Variants in UST observed in about 807,000 individuals in gnomAD.
The protein encoded by UST is uronyl 2-sulfotransferase.
A neutral mutation model predicts 45.6 loss-of-function variants in UST; 21 were observed. The ratio of observed to expected loss-of-function variants is 0.46; its 90% CI spans 0.33 to 0.66. The LOEUF (loss-of-function observed/expected upper bound fraction) is 0.66. Among genes scored for constraint, UST ranks in the 30% least tolerant of loss-of-function variants. UST has a pLI of 0.02. For synonymous variants in UST, 215 were observed against 200.6 expected, an observed-to-expected ratio of 1.07 and a Z score of -0.61; for missense variants, 463 against 512.4, an observed-to-expected ratio of 0.90 and a Z score of 0.93.
At chr6:148,914,511 G>T (rs968020914) in intron 2 of UST, among the ~76,000 whole-genome samples, 1 of 151,992 alleles carries the variant, frequency 6.6e-6, no homozygotes, top group Non-Finnish European at 1.5e-5. Flanking sequence ...TGTGTAGTTC[G>T]TAGTCTTTTC....
intron 7 of UST, among the ~76,000 whole-genome samples, chr6:149,032,079 C>T (rs1166261613): frequency 6.6e-6 from 1 of 152,218 alleles, no homozygotes; most frequent in East Asian, 1.9e-4. Context: ...CTCACCCTGC[C>T]TTTAAGACGG....
At chr6:148,816,346 G>A (rs1777355011) in intron 1 of UST, among the ~76,000 whole-genome samples, 1 of 152,202 alleles carries the variant, frequency 6.6e-6, no homozygotes, top group Non-Finnish European at 1.5e-5. Context: ...AGAGAGACAA[G>A]TGGATTATGC....
intron 1 of UST, among the ~76,000 whole-genome samples, chr6:148,750,392 A>C (rs977246861): frequency 2.6e-5 from 4 of 152,238 alleles, no homozygotes; most frequent in Non-Finnish European, 4.4e-5. Context: ...TTTATCACGC[A>C]TGTGCCAGTC....
Position 148,789,453 on chromosome 6 carries a change from TCACACACACACACA to T in UST, c.247+41794_247+41807del, listed in dbSNP as rs58763326. ...CTCTCTCTCTCTCTCTCTCTCTCTC[TCACACACACACACA>T]CACACACACACACACACTTTCAAAA... On this transcript the variant is annotated intron_variant, in intron 1 of 7. Coordinates refer to ENST00000367463, the MANE Select transcript of UST (RefSeq NM_005715.3). Among the ~76,000 whole-genome samples, 6 of 134,340 alleles carry T rather than the reference TCACACACACACACA, an allele frequency of 4.5e-5. No individual in the cohort carries two copies. In the East Asian group the frequency reaches 1.4e-3, roughly 30 times the overall value. The allele number at this position is 134,340 out of a possible 152,430, so 88.1% of individuals were successfully genotyped here.
At chr6:148,767,722 C>T (rs1016016036) in intron 1 of UST, among the ~76,000 whole-genome samples, 9 of 152,066 alleles carry the variant, frequency 5.9e-5, no homozygotes, top group Non-Finnish European at 1.3e-4. Context: ...TTGTAAAATA[C>T]TGGGATACAG....
chr6:148,965,976 C>T (rs1426665663), intron 5 of UST, among the ~76,000 whole-genome samples: 1 of 149,968 alleles, frequency 6.7e-6, no homozygotes, highest in Non-Finnish European at 1.5e-5. Context: ...GTAATCCCAG[C>T]ACTTTGGGAG....
chr6:149,026,535 A>G (rs1776053599), intron 7 of UST, among the ~76,000 whole-genome samples: 1 of 152,180 alleles, frequency 6.6e-6, no homozygotes, highest in Non-Finnish European at 1.5e-5. Flanking sequence ...AGGAGCTAAA[A>G]TCTCAGTGGT....
chr6:148,884,322 A>G (rs1235418673), intron 1 of UST, among the ~76,000 whole-genome samples: 1 of 152,206 alleles, frequency 6.6e-6, no homozygotes, highest in Non-Finnish European at 1.5e-5. Context: ...AACTGAAGCA[A>G]TGAACAGGTC....
intron 5 of UST, among the ~76,000 whole-genome samples, chr6:148,995,077 T>C (rs1001175075): frequency 6.6e-6 from 1 of 152,042 alleles, no homozygotes; most frequent in Non-Finnish European, 1.5e-5. Flanking sequence ...CAAGCTGGAG[T>C]GCAGTGGGGC....
intron 1 of UST, among the ~76,000 whole-genome samples, chr6:148,810,949 T>A (rs943162942): frequency 6.6e-6 from 1 of 152,228 alleles, no homozygotes; most frequent in Non-Finnish European, 1.5e-5. Context: ...TTGACATATG[T>A]AAGGTGATGA....
intron 1 of UST, among the ~76,000 whole-genome samples, chr6:148,780,783 T>C (rs1317251596): frequency 1.3e-5 from 2 of 152,246 alleles, no homozygotes; most frequent in Non-Finnish European, 1.5e-5. Context: ...CTCTGTATCA[T>C]ATTTTGGTAA....
chr6:149,029,664 C>A (rs541563714), intron 7 of UST, among the ~76,000 whole-genome samples: 9 of 151,878 alleles, frequency 5.9e-5, no homozygotes, highest in African/African-American at 2.2e-4. Flanking sequence ...TGGAAACTCC[C>A]AAGTATACAA....
intron 2 of UST, among the ~76,000 whole-genome samples, chr6:148,894,327 G>A (rs922260063): frequency 1.3e-5 from 2 of 152,212 alleles, no homozygotes; most frequent in African/African-American, 2.4e-5. Flanking sequence ...CTTTGCAGAT[G>A]AAGATGAGGT....
intron 1 of UST, among the ~76,000 whole-genome samples, chr6:148,843,049 C>G (rs1419710401): frequency 1.3e-5 from 2 of 152,232 alleles, no homozygotes; most frequent in African/African-American, 4.8e-5. Context: ...AAACAAACAT[C>G]ATTTCCCAGA....
intron 5 of UST, among the ~76,000 whole-genome samples, chr6:148,998,559 T>C (rs1781492229): frequency 6.6e-6 from 1 of 152,206 alleles, no homozygotes; most frequent in African/African-American, 2.4e-5. Context: ...GTAGCCCCCA[T>C]AGGATGCACT....
At chr6:149,035,766 T>TAAA (rs11404986) in intron 7 of UST, among the ~76,000 whole-genome samples, 1 of 148,112 alleles carries the variant, frequency 6.8e-6, no homozygotes, top group Non-Finnish European at 1.5e-5. Flanking sequence ...ACCCCATCTT[T>TAAA]AAAAAAAAAA....
chr6:148,871,163 T>C (rs1262892123), intron 1 of UST, among the ~76,000 whole-genome samples: 5 of 135,184 alleles, frequency 3.7e-5, no homozygotes, highest in African/African-American at 1.4e-4. Context: ...TCCCTCTCTC[T>C]CTCTGTCCTT....
At chr6:148,955,431 C>G (rs531267146) in intron 4 of UST, among the ~76,000 whole-genome samples, 11 of 152,320 alleles carry the variant, frequency 7.2e-5, no homozygotes, top group African/African-American at 2.6e-4. Flanking sequence ...GCAAGTGTTC[C>G]CTGAAGTTTC....
intron 2 of UST, among the ~76,000 whole-genome samples, chr6:148,904,035 A>C (rs1312066919): frequency 6.6e-6 from 1 of 152,212 alleles, no homozygotes; most frequent in Non-Finnish European, 1.5e-5. Flanking sequence ...GCAAAGACTA[A>C]ATTAATTATG....
Sources: allele counts gnomAD v4.1 joint callset (sites outside exome capture counted in the v4.1 genomes callset), GRCh38; gene constraint gnomAD v4.1.1; transcripts MANE v1.5; gene names NCBI Gene and HGNC (gene_info 2026-07-23, HGNC 2026-07-21).